The following ADK variants were observed in gnomAD, a reference collection of about 807,000 sequenced individuals.
ADK encodes the protein adenosine kinase, also known as N6,N6-dimethyladenosine kinase.
Under a neutral mutation model 44.7 loss-of-function variants are expected in ADK, and 24 were observed. That is an observed-to-expected ratio of 0.54 (90% CI 0.39 to 0.76). The LOEUF (loss-of-function observed/expected upper bound fraction) is 0.76, where lower values mean the gene tolerates loss of function less well. Among genes scored for constraint, ADK ranks in the 30% least tolerant of loss-of-function variants. The pLI is 0.00. For missense variants in ADK, 321 were observed against 425.1 expected (o/e 0.76, Z 2.15); for synonymous variants, 128 against 142.6 (o/e 0.90, Z 0.73).
At chr10:74,546,559 G>A (rs1194388846) in intron 7 of ADK, among the ~76,000 whole-genome samples, 1 of 152,054 alleles carries the variant, frequency 6.6e-6, no homozygotes, top group Admixed American at 6.5e-5. Context: ...GTGAGTACAG[G>A]AAATATATCT....
intron 6 of ADK, among the ~76,000 whole-genome samples, chr10:74,404,986 A>C (rs776972904): frequency 6.6e-6 from 1 of 151,400 alleles, no homozygotes; most frequent in East Asian, 1.9e-4. Flanking sequence ...GCCATTATAC[A>C]TCTTCAAATT....
chr10:74,386,475 C>A (rs562531443), intron 4 of ADK, among the ~76,000 whole-genome samples: 15 of 152,236 alleles, frequency 9.9e-5, no homozygotes, highest in African/African-American at 3.4e-4. Context: ...TAATAGAAAT[C>A]TTTCCATATG....
chr10:74,388,971 C>A (rs1843247252), intron 4 of ADK, among the ~76,000 whole-genome samples: 1 of 152,222 alleles, frequency 6.6e-6, no homozygotes, highest in South Asian at 2.1e-4. Flanking sequence ...TGGTGTGGAA[C>A]TTGCCTCCTG....
intron 4 of ADK, among the ~76,000 whole-genome samples, chr10:74,358,623 A>G (rs530837682): frequency 6.6e-6 from 1 of 152,360 alleles, no homozygotes; most frequent in Admixed American, 6.5e-5. Context: ...TGATGTAGAA[A>G]ACTGACAAAA....
At chr10:74,483,249 C>G (rs535784954) in intron 6 of ADK, among the ~76,000 whole-genome samples, 3 of 152,336 alleles carry the variant, frequency 2.0e-5, no homozygotes, top group Admixed American at 6.5e-5. Flanking sequence ...CCAAGGCTTA[C>G]AGCTTGCACC....
chr10:74,169,714 G>A (rs1842112921), intron 1 of ADK, among the ~76,000 whole-genome samples: 1 of 152,200 alleles, frequency 6.6e-6, no homozygotes, highest in Non-Finnish European at 1.5e-5. Flanking sequence ...GTCTTTTGCA[G>A]GAGAGAATTA....
At chr10:74,304,483 A>G (rs1027771205) in intron 3 of ADK, among the ~76,000 whole-genome samples, 4 of 152,160 alleles carry the variant, frequency 2.6e-5, no homozygotes, top group Non-Finnish European at 4.4e-5. Flanking sequence ...CTTGCTGGGT[A>G]ACATATCTGT....
intron 7 of ADK, among the ~76,000 whole-genome samples, chr10:74,562,480 G>C (rs1202196869): frequency 6.6e-6 from 1 of 152,124 alleles, no homozygotes; most frequent in African/African-American, 2.4e-5. Flanking sequence ...TCACTGATTA[G>C]CAGTTTACAT....
chr10:74,212,845 A>G (rs930866013), intron 2 of ADK, among the ~76,000 whole-genome samples: 1 of 102 alleles, frequency 9.8e-3, no homozygotes, highest in Non-Finnish European at 0.018. Context: ...AGAGTGCAGT[A>G]ATACTTTTCG....
chr10:74,398,488 TTGC>T lies in ADK; in HGVS notation c.471_473del (p.Ala158del), dbSNP rs1213180946. ...TGTTTTAGGTCCCTCATAGCTAATC[TTGC>T]TGCTGCCAATTGTTATAAAAAGGAA... On this transcript the variant is annotated inframe_deletion, in exon 6 of 11. Transcript: ENST00000539909. 3 of 1,611,296 alleles carry T rather than the reference TTGC, an allele frequency of 1.9e-6. No individual in the cohort carries two copies. The highest frequency in any genetic ancestry group is 1.7e-6 in the Non-Finnish European group (2 of 1,178,160).
At chr10:74,410,222 A>C (rs1299716065) in intron 6 of ADK, among the ~76,000 whole-genome samples, 1 of 152,170 alleles carries the variant, frequency 6.6e-6, no homozygotes, top group Non-Finnish European at 1.5e-5. Context: ...GAAATTTAAA[A>C]AGATTGCTCA....
intron 9 of ADK, among the ~76,000 whole-genome samples, chr10:74,629,054 G>A (rs1044220721): frequency 6.6e-6 from 1 of 151,072 alleles, no homozygotes; most frequent in Admixed American, 6.6e-5. Flanking sequence ...TTTTTTTTAA[G>A]TTAAAGAGAC....
At chr10:74,701,719 C>T (rs1244922316) in intron 10 of ADK, among the ~76,000 whole-genome samples, 1 of 152,102 alleles carries the variant, frequency 6.6e-6, no homozygotes, top group Non-Finnish European at 1.5e-5. Flanking sequence ...CTGAGGTGGG[C>T]GGATCACCTT....
intron 3 of ADK, among the ~76,000 whole-genome samples, chr10:74,260,997 G>A (rs1846017605): frequency 6.6e-6 from 1 of 152,120 alleles, no homozygotes; most frequent in South Asian, 2.1e-4. Flanking sequence ...AATTTTAGAT[G>A]TTATCTATTG....
chr10:74,226,868 C>G (rs1014226948), intron 3 of ADK, among the ~76,000 whole-genome samples: 1 of 152,056 alleles, frequency 6.6e-6, no homozygotes, highest in Non-Finnish European at 1.5e-5. Context: ...TATTGATGGT[C>G]TTGATATTTT....
At chr10:74,431,286 A>T (rs950214831) in intron 6 of ADK, among the ~76,000 whole-genome samples, 4 of 152,302 alleles carry the variant, frequency 2.6e-5, no homozygotes, top group African/African-American at 7.2e-5. Flanking sequence ...ACAGAAACCA[A>T]TAGATTGCCT....
At chr10:74,582,497 A>C (rs1851405549) in intron 7 of ADK, among the ~76,000 whole-genome samples, 2 of 152,120 alleles carry the variant, frequency 1.3e-5, no homozygotes, top group Admixed American at 1.3e-4. Flanking sequence ...TCCTAACTTA[A>C]TTTGTTCTTT....
At chr10:74,176,946 G>T in intron 1 of ADK, 1 of 1,600,130 alleles carries the variant, frequency 6.2e-7, no homozygotes, top group Non-Finnish European at 8.5e-7. Flanking sequence ...CCGAGCGCGT[G>T]AGCACTGTCG....
At chr10:74,689,163 G>T (rs1375180299) in intron 10 of ADK, among the ~76,000 whole-genome samples, 3 of 149,962 alleles carry the variant, frequency 2.0e-5, no homozygotes, top group Admixed American at 2.0e-4. Context: ...GCAGGAGAAT[G>T]GCATGAACCT....
Sources: allele counts gnomAD v4.1 joint callset (sites outside exome capture counted in the v4.1 genomes callset), GRCh38; gene constraint gnomAD v4.1.1; transcripts MANE v1.5; gene names NCBI Gene and HGNC (gene_info 2026-07-23, HGNC 2026-07-21).